Variants in TTC39C observed in about 807,000 individuals in gnomAD.
TTC39C encodes the protein tetratricopeptide repeat protein 39C.
Under a neutral mutation model 76.3 loss-of-function variants are expected in TTC39C, and 33 were observed. The ratio of observed to expected loss-of-function variants is 0.43; its 90% CI spans 0.33 to 0.58. The LOEUF (loss-of-function observed/expected upper bound fraction) is 0.58. TTC39C is among the 20% of genes least tolerant of loss of function. TTC39C has a pLI of 0.04. For synonymous variants in TTC39C, 254 were observed against 260.6 expected, an observed-to-expected ratio of 0.97 and a Z score of 0.24; for missense variants, 595 against 701.4, an observed-to-expected ratio of 0.85 and a Z score of 1.71.
intron 1 of TTC39C, among the ~76,000 whole-genome samples, chr18:24,029,259 C>T (rs984522376): frequency 1.3e-5 from 2 of 152,106 alleles, no homozygotes; most frequent in Non-Finnish European, 2.9e-5. Flanking sequence ...TGTACCACCA[C>T]GCGTGGCTAA....
chr18:24,080,569 C>G lies in TTC39C; in HGVS notation c.461-16C>G. On this transcript the variant is annotated splice_polypyrimidine_tract_variant and intron_variant, in intron 4 of 13. Transcript: ENST00000317571. The stretch of plus-strand genomic sequence containing the variant: ...TTTTGAATGTTTTTGAATCTTTTCT[C>G]CCCTTCTCTTTTTAGCTTATATCAA... The G allele has an allele frequency of 2.0e-6, 3 of 1,538,440 alleles. No individual in the cohort carries two copies. The highest frequency in any genetic ancestry group is 2.6e-6 in the Non-Finnish European group (3 of 1,136,220).
At chr18:24,124,068 C>T in intron 9 of TTC39C, 125 bp downstream of exon 9, 1 of 620,768 alleles carries the variant, frequency 1.6e-6, no homozygotes, top group Admixed American at 3.1e-5. Flanking sequence ...AAGTGCAGTT[C>T]ACCGCCATGC....
Position 24,080,824 on chromosome 18 carries a change from C to T in TTC39C, c.700C>T (p.Pro234Ser), listed in dbSNP as rs2084366817. The change falls in exon 5 of 14, where the codon CCC becomes TCC. Residue 234 changes from proline to serine, a missense_variant. Transcript: ENST00000317571. ...TTTTCACCTTTGCATATCCATGGTG[C>T]CCCCAAACCTGCTCAAAATCATCAA... is the stretch of plus-strand genomic sequence containing the variant. ...GLFHLCISMV[P>S]PNLLKIINLL... 1 of 1,614,066 alleles carries T rather than the reference C, an allele frequency of 6.2e-7. No individual in the cohort carries two copies. Among genetic ancestry groups the T allele is most frequent in the Non-Finnish European group, 8.5e-7 (1 of 1,180,002 alleles).
chr18:24,130,416 AG>A lies in TTC39C; in HGVS notation c.1623+1del, dbSNP rs1381970156. Reference protein sequence around the residue: ...ELGCLLLDKPETVGRGRALLL... With the variant: ...ELGCLLLDKPXTVGRGRALLL... ...GGCTGTCTTCTATTAGACAAACCAG[AG>A]GTAAGATCTTATATATATAATATAA... On this transcript the variant is annotated frameshift_variant and splice_region_variant, in exon 12 of 14. Coordinates refer to ENST00000317571, the MANE Select transcript of TTC39C (RefSeq NM_001135993.2). LOFTEE classifies it high-confidence loss of function. 1 of 1,401,102 alleles carries A rather than the reference AG, an allele frequency of 7.1e-7. No individual in the cohort carries two copies. The highest frequency in any genetic ancestry group is 9.7e-7 in the Non-Finnish European group (1 of 1,034,358). The allele number at this position is 1,401,102 out of a possible 1,614,324, so 86.8% of individuals were successfully genotyped here.
chr18:24,106,556 G>A (rs900036991), intron 6 of TTC39C, among the ~76,000 whole-genome samples: 51 of 152,146 alleles, frequency 3.4e-4, no homozygotes, highest in African/African-American at 1.1e-3. Flanking sequence ...GAGGACTGGC[G>A]TTGTGTTGGA....
chr18:24,037,996 G>A (rs1370465652), intron 1 of TTC39C, among the ~76,000 whole-genome samples: 1 of 152,164 alleles, frequency 6.6e-6, no homozygotes, highest in Admixed American at 6.5e-5. Context: ...CCCCAAATCA[G>A]CACTTGCTAT....
rs186331659 is a variant in TTC39C at position 24,035,212 on chromosome 18, A to C, written c.167+20174A>C. Among the ~76,000 whole-genome samples the C allele has an allele frequency of 9.9e-5, 15 of 151,956 alleles. No homozygotes were observed. The East Asian group carries it at 2.7e-3, about 27-fold the overall frequency. ...CGTGCCATCAAGTCCAGCTAATTTT[A>C]GTTTTTGTAGAGCTGTGGTCTGGCT... On this transcript the variant is annotated intron_variant, in intron 1 of 13. Transcript: ENST00000317571.
chr18:24,017,806 C>G (rs562923572), intron 1 of TTC39C, among the ~76,000 whole-genome samples: 1 of 152,118 alleles, frequency 6.6e-6, no homozygotes, highest in Admixed American at 6.5e-5. Flanking sequence ...AGGGGGACAC[C>G]CTTCCTCTAC....
At chr18:24,128,460 T>TC (rs1376980833) in intron 10 of TTC39C, among the ~76,000 whole-genome samples, 1 of 150,856 alleles carries the variant, frequency 6.6e-6, no homozygotes, top group Admixed American at 6.6e-5. Context: ...GTAAGATATA[T>TC]ATCTTATTGA....
intron 13 of TTC39C, among the ~76,000 whole-genome samples, 157 bp downstream of exon 13, chr18:24,132,077 T>C (rs2085137612): frequency 6.6e-6 from 1 of 152,180 alleles, no homozygotes; most frequent in Non-Finnish European, 1.5e-5. Flanking sequence ...AGCTCTTGAG[T>C]TTTAAGGGAC....
chr18:24,072,249 G>C (rs1424492382), intron 4 of TTC39C, among the ~76,000 whole-genome samples: 1 of 151,482 alleles, frequency 6.6e-6, no homozygotes, highest in Non-Finnish European at 1.5e-5. Flanking sequence ...ACACAGGCCA[G>C]AGCTCTGGTA....
chr18:24,100,573 C>G (rs548222018), intron 6 of TTC39C, among the ~76,000 whole-genome samples: 17 of 152,332 alleles, frequency 1.1e-4, no homozygotes, highest in African/African-American at 4.1e-4. Context: ...CAGTGTGACT[C>G]TTCTTAGGGT....
chr18:24,114,501 G>GTA (rs1703315109), intron 6 of TTC39C, 53 bp from the exon 7 acceptor site: 1 of 1,292,362 alleles, frequency 7.7e-7, no homozygotes, highest in South Asian at 1.2e-5. Context: ...TATGATGATT[G>GTA]TAATGTTATC....
At chr18:23,997,408 G>A (rs770347147) in intron 1 of TTC39C, among the ~76,000 whole-genome samples, 29 of 151,950 alleles carry the variant, frequency 1.9e-4, no homozygotes, top group African/African-American at 4.1e-4. Flanking sequence ...AAAATTAGCC[G>A]GGCGTGGTCG....
intron 1 of TTC39C, among the ~76,000 whole-genome samples, chr18:24,059,240 G>T (rs1377731404): frequency 1.3e-5 from 2 of 152,074 alleles, no homozygotes; most frequent in South Asian, 4.1e-4. Flanking sequence ...AAGTTCAGAG[G>T]TACATGTGCA....
In TTC39C at chr18:24,082,846, GTT is replaced by G. The variant is rs576431808; in HGVS notation, c.816-64_816-63del. ...TAGTATTGGAAGAACACATACTGGA[GTT>G]TTGAAAAATGGAAATGGTGTAAGGA... On this transcript the variant is annotated intron_variant, in intron 5 of 13. Transcript: ENST00000317571. 640 of 1,497,984 alleles carry G rather than the reference GTT, an allele frequency of 4.3e-4. 1 individual carries two copies. The highest frequency in any genetic ancestry group is 2.7e-3 in the Admixed American group (130 of 48,740). The allele number at this position is 1,497,984 out of a possible 1,614,324, so 92.8% of individuals were successfully genotyped here.
intron 1 of TTC39C, among the ~76,000 whole-genome samples, chr18:24,037,158 C>G (rs56092451): frequency 0.033 from 5,068 of 152,152 alleles, 127 homozygotes; most frequent in East Asian, 0.097. Flanking sequence ...ATGATGTTAG[C>G]TGTGGGTTTA....
chr18:24,068,591 G>T (rs1207519822), intron 3 of TTC39C, among the ~76,000 whole-genome samples: 1 of 152,070 alleles, frequency 6.6e-6, no homozygotes, highest in Non-Finnish European at 1.5e-5. Flanking sequence ...TTGACTTTTT[G>T]CATATTTGTA....
intron 1 of TTC39C, among the ~76,000 whole-genome samples, chr18:24,060,957 C>T (rs542722957): frequency 9.9e-5 from 15 of 152,236 alleles, no homozygotes; most frequent in Middle Eastern, 6.8e-3. Flanking sequence ...TATTATATTA[C>T]CAACTGGATT....
Sources: gnomAD v4.1 joint callset for allele counts (sites outside exome capture counted in the v4.1 genomes callset) on GRCh38, gnomAD v4.1.1 for gene constraint, MANE v1.5 for transcripts, NCBI Gene and HGNC (gene_info 2026-07-23, HGNC 2026-07-21) for gene names.